ERAP1: variants seen among roughly 807,000 people sequenced by gnomAD.
ERAP1 encodes the protein adipocyte-derived leucine aminopeptidase.
A neutral mutation model predicts 103.7 loss-of-function variants in ERAP1; 86 were observed. The observed-to-expected ratio is 0.83, with a 90% CI of 0.70 to 0.99. The LOEUF (loss-of-function observed/expected upper bound fraction) is 0.99, where lower values mean the gene tolerates loss of function less well. Among genes scored for constraint, ERAP1 ranks in the 50% least tolerant of loss-of-function variants. The pLI is 0.00. For missense variants in ERAP1, 1,009 were observed against 1,128.4 expected, an observed-to-expected ratio of 0.89 and a Z score of 1.52; for synonymous variants, 398 against 402.4, an observed-to-expected ratio of 0.99 and a Z score of 0.13.
the ERAP1 span, among the ~76,000 whole-genome samples, chr5:96,891,822 G>A: frequency 2.6e-5 from 4 of 152,014 alleles, no homozygotes; most frequent in African/African-American, 9.7e-5. Context: ...TATAGAGATG[G>A]CTCCTAAGAG....
Position 96,786,321 on chromosome 5 carries a change from TATTGGCC to T in ERAP1, c.1759+142_1759+148del, listed in dbSNP as rs1775987538. On this transcript the variant is annotated intron_variant, in intron 12 of 18. Transcript: ENST00000443439. ...CAGCTATAATCTCTATCTGGCAAGA[TATTGGCC>T]ATTCTTCTTTGAAACCAGAAAGCAT... 4.6e-6 allele frequency: 3 copies of T among 658,466 alleles called. No individual in the cohort carries two copies. In the South Asian group the frequency reaches 5.5e-5, roughly 12 times the overall value. The allele number at this position is 658,466 out of a possible 1,614,324, so 40.8% of individuals were successfully genotyped here.
At chr5:96,896,461 C>G in the ERAP1 span, 1 of 1,613,490 alleles carries the variant, frequency 6.2e-7, no homozygotes, top group Non-Finnish European at 8.5e-7. Flanking sequence ...GCGGAAACCC[C>G]GACTCAAATA....
chr5:96,784,125 G>A, intron 13 of ERAP1, 45 bp from the exon 14 acceptor site: 1 of 1,602,064 alleles, frequency 6.2e-7, no homozygotes, highest in Non-Finnish European at 8.6e-7. Context: ...GTAAATCCGG[G>A]AAGTCAACTT....
chr5:96,908,015 A>C, the ERAP1 span, among the ~76,000 whole-genome samples: 2 of 152,186 alleles, frequency 1.3e-5, no homozygotes, highest in Admixed American at 1.3e-4. Flanking sequence ...ATCGTGATTG[A>C]GAAGATTAAA....
the ERAP1 span, chr5:96,873,581 G>A: frequency 4.8e-6 from 2 of 418,446 alleles, no homozygotes; most frequent in Admixed American, 5.3e-5. Context: ...TCAATGGAGA[G>A]GAAGGTGCAG....
the ERAP1 span, among the ~76,000 whole-genome samples, chr5:96,869,662 G>A: frequency 6.6e-6 from 1 of 152,206 alleles, no homozygotes; most frequent in Non-Finnish European, 1.5e-5. Flanking sequence ...TGAAGGAAAC[G>A]AAGAGTGTTG....
the ERAP1 span, among the ~76,000 whole-genome samples, chr5:96,921,356 T>C: frequency 1.3e-5 from 2 of 152,264 alleles, no homozygotes; most frequent in African/African-American, 2.4e-5. Flanking sequence ...TTAAGGTATC[T>C]ATTCTAGCAT....
chr5:96,775,092 T>G lies in ERAP1; in HGVS notation c.*1304A>C. ...ACACTATGGGTTAGATAAGTCCCTG[T>G]GTAGCAAGTTTTCAGAATAAGAAAT... On this transcript the variant is annotated 3_prime_UTR_variant, in exon 19 of 19. Coordinates refer to ENST00000443439, the MANE Select transcript of ERAP1 (RefSeq NM_001040458.3). 1 of 985,582 alleles carries G rather than the reference T, an allele frequency of 1.0e-6. No homozygotes were observed. Among genetic ancestry groups the G allele is most frequent in the Non-Finnish European group, 1.2e-6 (1 of 829,936 alleles). 61.1% of individuals were successfully genotyped at this position (985,582 alleles called of 1,614,324 possible).
rs1221509516 is a variant in ERAP1 at position 96,765,971 on chromosome 5, T to A, written c.2819-2743A>T. 4.9e-6 allele frequency: 4 copies of A among 808,846 alleles called. No individual in the cohort carries two copies. In the African/African-American group the frequency reaches 6.9e-5, roughly 14 times the overall value. The allele number at this position is 808,846 out of a possible 1,614,324, so 50.1% of individuals were successfully genotyped here. A position where few individuals can be genotyped will look rare whatever the true frequency, so the allele number is the denominator to read the frequency against. On this transcript the variant is annotated intron_variant, in intron 19 of 19. Coordinates refer to the ERAP1 transcript ENST00000296754. ...TTTTGCCTCATGAAAGTACAACAAA[T>A]GCTGAATGCTGCATTTGACAATGTA...
At chr5:96,812,824 A>G (rs1008644397), upstream of ERAP1, among the ~76,000 whole-genome samples, 6 of 152,250 alleles carry the variant, frequency 3.9e-5, no homozygotes, top group Non-Finnish European at 5.9e-5. Flanking sequence ...ATGCTCATCC[A>G]TACATGGCAG....
At chr5:96,762,783 ATCG>A in exon 20 of ERAP1, 2 of 247,436 alleles carry the variant, frequency 8.1e-6, no homozygotes, top group Non-Finnish European at 1.6e-5. Context: ...ATTTTATGGA[ATCG>A]TCATGTTTGA....
the ERAP1 span, among the ~76,000 whole-genome samples, chr5:96,860,051 TTTTA>T: frequency 5.9e-5 from 9 of 152,206 alleles, no homozygotes; most frequent in South Asian, 4.2e-4. Flanking sequence ...AATCTGTTAA[TTTTA>T]TTTATTTATT....
chr5:96,934,523 C>T, the ERAP1 span: 1 of 152,248 alleles, frequency 6.6e-6, no homozygotes, highest in African/African-American at 2.4e-5. Context: ...GATGAGGTCC[C>T]AGAGTTAGGC....
At chr5:96,930,252 C>A in the ERAP1 span, among the ~76,000 whole-genome samples, 1 of 152,124 alleles carries the variant, frequency 6.6e-6, no homozygotes, top group African/African-American at 2.4e-5. Context: ...TGGTTCTGGC[C>A]CATCTCCAGA....
chr5:96,910,553 C>T, the ERAP1 span, among the ~76,000 whole-genome samples: 1 of 152,040 alleles, frequency 6.6e-6, no homozygotes, highest in African/African-American at 2.4e-5. Flanking sequence ...TGTAAACATC[C>T]TACTGCCCTA....
the ERAP1 span, among the ~76,000 whole-genome samples, chr5:96,876,908 C>T: frequency 7.9e-5 from 12 of 152,068 alleles, no homozygotes; most frequent in African/African-American, 2.9e-4. Flanking sequence ...TTTCAGACTT[C>T]CTGTGTGGAT....
chr5:96,902,738 T>C, the ERAP1 span: 1 of 170,594 alleles, frequency 5.9e-6, no homozygotes, highest in Admixed American at 6.1e-5. Context: ...ACTTATTAGA[T>C]GTGTGACCTT....
chr5:96,762,428 A>G, exon 20 of ERAP1: 4 of 1,276,452 alleles, frequency 3.1e-6, no homozygotes, highest in Admixed American at 2.5e-5. Context: ...ACAACTAGAA[A>G]GAAAATAGGG....
chr5:96,814,625 C>T, the ERAP1 span, among the ~76,000 whole-genome samples: 1 of 152,120 alleles, frequency 6.6e-6, no homozygotes, highest in African/African-American at 2.4e-5. Flanking sequence ...TCAATGATAG[C>T]TTTTTTCCTG....
Sources: gnomAD v4.1 joint callset for allele counts (sites outside exome capture counted in the v4.1 genomes callset) on GRCh38, gnomAD v4.1.1 for gene constraint, MANE v1.5 for transcripts, NCBI Gene and HGNC (gene_info 2026-07-23, HGNC 2026-07-21) for gene names.